Variants in NCAPG2 observed in about 807,000 individuals in gnomAD.
NCAPG2 encodes the protein non-SMC condensin II complex subunit G2.
NCAPG2 carries 53 observed loss-of-function variants against 141.1 expected under a neutral mutation model. The observed-to-expected ratio is 0.38, with a 90% CI of 0.30 to 0.47. The LOEUF (loss-of-function observed/expected upper bound fraction) is 0.47. Ranked by LOEUF, NCAPG2 falls within the 20% of genes least tolerant of loss-of-function variation. NCAPG2 has a pLI of 0.99. For missense variants in NCAPG2, 1,087 were observed against 1,389.0 expected (o/e 0.78, Z 3.46); for synonymous variants, 499 against 490.7 (o/e 1.02, Z -0.22).
intron 15 of NCAPG2, among the ~76,000 whole-genome samples, chr7:158,663,383 C>T (rs932338067): frequency 6.6e-6 from 1 of 152,242 alleles, no homozygotes; most frequent in Non-Finnish European, 1.5e-5. Context: ...CATCTATTTC[C>T]TGTATGTTTT....
intron 16 of NCAPG2, among the ~76,000 whole-genome samples, chr7:158,661,683 T>C (rs1420376508): frequency 6.6e-6 from 1 of 152,218 alleles, no homozygotes; most frequent in Non-Finnish European, 1.5e-5. Flanking sequence ...AAACATCATG[T>C]TGAACACAAT....
At chr7:158,642,129 C>T (rs376699261) in intron 27 of NCAPG2, among the ~76,000 whole-genome samples, 6 of 152,028 alleles carry the variant, frequency 3.9e-5, no homozygotes, top group Non-Finnish European at 8.8e-5. Flanking sequence ...GATTAAACAA[C>T]GCAACTAAAT....
intron 17 of NCAPG2, 24 bp downstream of exon 17, chr7:158,658,314 C>A: frequency 1.3e-6 from 2 of 1,586,476 alleles, no homozygotes; most frequent in Non-Finnish European, 1.7e-6. Context: ...ACTTTTCTAC[C>A]GTACCAAAAA....
chr7:158,674,910 C>T lies in NCAPG2; in HGVS notation c.1326+567G>A, dbSNP rs1833960905. ...CTCTCTCCAAGAGCATTTGCTTTTGCAGCCTGGGTAGCCCCCTCCCTCTGG... is the reference window on the plus strand; with the variant it reads ...CTCTCTCCAAGAGCATTTGCTTTTGTAGCCTGGGTAGCCCCCTCCCTCTGG... On this transcript the variant is annotated intron_variant, in intron 12 of 27. Coordinates refer to ENST00000356309, the MANE Select transcript of NCAPG2 (RefSeq NM_017760.7). Among the ~76,000 whole-genome samples, 3 of 152,250 alleles carry T rather than the reference C, an allele frequency of 2.0e-5. No homozygotes were observed. The South Asian group carries it at 6.2e-4, about 31-fold the overall frequency.
intron 2 of NCAPG2, among the ~76,000 whole-genome samples, chr7:158,700,958 A>G (rs545152555): frequency 6.6e-6 from 1 of 152,324 alleles, no homozygotes; most frequent in Non-Finnish European, 1.5e-5. Flanking sequence ...TTCCATGCCC[A>G]ACCTGTCTCT....
chr7:158,670,723 CTT>C (rs1205926966), intron 13 of NCAPG2, among the ~76,000 whole-genome samples: 2 of 152,188 alleles, frequency 1.3e-5, no homozygotes, highest in Non-Finnish European at 2.9e-5. Flanking sequence ...TCTTAGAGGC[CTT>C]TCCAAGGAAG....
intron 6 of NCAPG2, among the ~76,000 whole-genome samples, chr7:158,688,591 C>T (rs1834926208): frequency 2.0e-5 from 3 of 152,194 alleles, no homozygotes; most frequent in African/African-American, 7.2e-5. Flanking sequence ...CAAAGGGCAG[C>T]CCTCCCCAGG....
rs780011897 is a variant in NCAPG2, at chr7:158,655,386, G to A, written c.2458C>T (p.Arg820Ter). 9.9e-6 allele frequency: 16 copies of A among 1,614,138 alleles called. No homozygotes were observed. The highest frequency in any genetic ancestry group is 4.0e-5 in the African/African-American group (3 of 75,038). Residue 820 changes from arginine (R) to a stop codon, truncating the protein, a stop_gained, in exon 20 of 28, where the codon CGA becomes TGA. Transcript: ENST00000356309. LOFTEE classifies it high-confidence loss of function. ...PRGFSEAAAP[R>*]AFGLHCRLSI... ...AGGCGACAGTGGAGACCAAAGGCTC[G>A]CGGGGCAGCTGCTTCACTGAAGCCA...
chr7:158,679,774 C>T (rs549205541), intron 11 of NCAPG2, among the ~76,000 whole-genome samples, 186 bp downstream of exon 11: 10 of 152,194 alleles, frequency 6.6e-5, no homozygotes, highest in East Asian at 1.9e-4. Flanking sequence ...CACAGGTCCA[C>T]GCTGTTATAG....
At chr7:158,667,440 ACCCACTACT>A in intron 13 of NCAPG2, among the ~76,000 whole-genome samples, 3 of 100,434 alleles carry the variant, frequency 3.0e-5, no homozygotes, top group African/African-American at 1.2e-4. Flanking sequence ...CGCCCTCCTT[ACCCACTACT>A]GGGTCCCTCC....
chr7:158,688,527 C>A (rs1354755171), intron 6 of NCAPG2, among the ~76,000 whole-genome samples: 1 of 152,218 alleles, frequency 6.6e-6, no homozygotes, highest in East Asian at 1.9e-4. Context: ...GTGTGGGGCA[C>A]AGGCTGTGTC....
chr7:158,649,767 T>C (rs1210404431), intron 24 of NCAPG2, among the ~76,000 whole-genome samples: 1 of 152,256 alleles, frequency 6.6e-6, no homozygotes, highest in African/African-American at 2.4e-5. Flanking sequence ...TGACCTTCCC[T>C]GTCAGTTTTT....
Position 158,664,208 on chromosome 7 carries a change from G to A in NCAPG2, c.1791C>T (p.Asp597=), listed in dbSNP as rs373050960. ...REPPEDEEEE[D]GREKENVTVL... is the part of the protein sequence containing the mutation. Reference sequence around the variant, plus strand: ...CAGTCACATTCTCCTTCTCCCTTCCGTCCTCTTCCTCCTCGTCCTCTGGAG... The same window carrying A: ...CAGTCACATTCTCCTTCTCCCTTCCATCCTCTTCCTCCTCGTCCTCTGGAG... The change falls in exon 15 of 28, where the codon GAC becomes GAT. Residue 597 remains aspartate (D), a synonymous_variant. Coordinates refer to ENST00000356309, the MANE Select transcript of NCAPG2 (RefSeq NM_017760.7). The A allele has an allele frequency of 7.3e-5, 118 of 1,612,050 alleles. 1 individual carries two copies. Among genetic ancestry groups the A allele is most frequent in the African/African-American group, 9.3e-5 (7 of 74,948 alleles).
At chr7:158,658,504 G>C (rs1227847743) in intron 16 of NCAPG2, 96 bp from the exon 17 acceptor site, 2 of 1,132,260 alleles carry the variant, frequency 1.8e-6, no homozygotes, top group Non-Finnish European at 2.4e-6. Context: ...TACTACCAAA[G>C]TTGCTCAAGA....
At position 158,631,614 on chromosome 7, in the gene NCAPG2, T is replaced by G; in HGVS notation, c.*52A>C. On this transcript the variant is annotated 3_prime_UTR_variant, in exon 28 of 28. Coordinates refer to ENST00000356309, the MANE Select transcript of NCAPG2 (RefSeq NM_017760.7). The stretch of plus-strand genomic sequence containing the variant: ...AACAATAGGAAAATACACAGGCATT[T>G]CAATTTGAATCACTTTTCCCTATTT... The G allele has an allele frequency of 5.6e-6, 8 of 1,437,964 alleles. No individual in the cohort carries two copies. Among genetic ancestry groups the G allele is most frequent in the Non-Finnish European group, 4.9e-6 (5 of 1,022,538 alleles). 89.1% of individuals were successfully genotyped at this position (1,437,964 alleles called of 1,614,324 possible).
In NCAPG2 at chr7:158,644,278, C is replaced by A. The variant is rs138962971; in HGVS notation, c.3380+11G>T. ...TTAGATGATCACATCTGGTGAATAT[C>A]TCTCCTTTACCTTTCAATGCTATCC... On this transcript the variant is annotated intron_variant, in intron 27 of 27. Transcript: ENST00000356309. 8 of 1,587,900 alleles carry A rather than the reference C, an allele frequency of 5.0e-6. No homozygotes were observed. Among genetic ancestry groups the A allele is most frequent in the East Asian group, 4.5e-5 (2 of 44,722 alleles).
intron 11 of NCAPG2, among the ~76,000 whole-genome samples, 185 bp downstream of exon 11, chr7:158,679,775 G>A (rs1393232241): frequency 3.9e-5 from 6 of 152,184 alleles, no homozygotes; most frequent in Non-Finnish European, 8.8e-5. Flanking sequence ...ACAGGTCCAC[G>A]CTGTTATAGA....
intron 27 of NCAPG2, among the ~76,000 whole-genome samples, chr7:158,643,356 T>C (rs1414378120): frequency 2.6e-5 from 4 of 151,966 alleles, no homozygotes; most frequent in African/African-American, 7.3e-5. Context: ...GCTGGGACTA[T>C]AGGCATGAGT....
At chr7:158,652,562 T>TTGAA in intron 22 of NCAPG2, 82 bp from the exon 23 acceptor site, 1 of 1,091,002 alleles carries the variant, frequency 9.2e-7, no homozygotes. Context: ...TTAACACATG[T>TTGAA]ATAAAATGGT....
Sources: allele counts gnomAD v4.1 joint callset (sites outside exome capture counted in the v4.1 genomes callset), GRCh38; gene constraint gnomAD v4.1.1; transcripts MANE v1.5; gene names NCBI Gene and HGNC (gene_info 2026-07-23, HGNC 2026-07-21).